The following NCAPG2 variants were observed in gnomAD, a reference collection of about 807,000 sequenced individuals.
NCAPG2 encodes the protein non-SMC condensin II complex subunit G2, also known as condensin-2 complex subunit G2.
NCAPG2 carries 53 observed loss-of-function variants against 141.1 expected under a neutral mutation model. That is an observed-to-expected ratio of 0.38 (90% CI 0.30 to 0.47). NCAPG2 has a LOEUF of 0.47. NCAPG2 is among the 20% of genes least tolerant of loss of function. NCAPG2 has a pLI of 0.99. For synonymous variants in NCAPG2, 499 were observed against 490.7 expected, an observed-to-expected ratio of 1.02 and a Z score of -0.22; for missense variants, 1,087 against 1,389.0, an observed-to-expected ratio of 0.78 and a Z score of 3.46.
chr7:158,670,592 C>T (rs1045258502), intron 13 of NCAPG2, among the ~76,000 whole-genome samples: 6 of 152,130 alleles, frequency 3.9e-5, no homozygotes, highest in African/African-American at 1.4e-4. Context: ...ACTAAATTCT[C>T]GTTCTCTTCA....
chr7:158,686,879 C>A (rs746127407), intron 7 of NCAPG2, among the ~76,000 whole-genome samples: 1 of 152,136 alleles, frequency 6.6e-6, no homozygotes, highest in Admixed American at 6.5e-5. Flanking sequence ...AGTGCTGGAG[C>A]AAATGAAGTA....
chr7:158,658,550 A>G, intron 16 of NCAPG2, 142 bp from the exon 17 acceptor site: 1 of 669,470 alleles, frequency 1.5e-6, no homozygotes, highest in Non-Finnish European at 2.3e-6. Flanking sequence ...TCAAAAGGAA[A>G]ACTTAAACCA....
Position 158,686,207 on chromosome 7 carries a change from T to A in NCAPG2, c.802A>T (p.Arg268Ter). ...TTCCCTGAAGCCTTTTTCCAAGCTC[T>A]GAAATAAATTTCTGCAATGTATACC... ...LMVYIAEIYF[R>*]AWKKASGKIL... Residue 268 changes from arginine to a stop codon, truncating the protein, a stop_gained, in exon 8 of 28, where the codon AGA becomes TGA. Transcript: ENST00000356309. LOFTEE classifies it high-confidence loss of function. 1 of 1,582,178 alleles carries A rather than the reference T, an allele frequency of 6.3e-7. No individual in the cohort carries two copies. The highest frequency in any genetic ancestry group is 1.2e-5 in the South Asian group (1 of 84,610).
Position 158,693,491 on chromosome 7 carries a change from C to T in NCAPG2, c.85G>A (p.Ala29Thr). Residue 29 changes from alanine (A) to threonine (T), a missense_variant, in exon 3 of 28, where the codon GCC becomes ACC. Physicochemically the swap from Ala to Thr is moderately conservative, Grantham distance 58 (BLOSUM62 0). Transcript: ENST00000356309. ...FLQFVQLDKE[A>T]SDPFSLNELL... Reference sequence around the variant, plus strand: ...TCATTTAGGCTGAAAGGATCAGAGGCCTCTTTCTGTAACATAAATAGCAAG... The same window carrying T: ...TCATTTAGGCTGAAAGGATCAGAGGTCTCTTTCTGTAACATAAATAGCAAG... The T allele has an allele frequency of 6.2e-7, 1 of 1,607,948 alleles. No individual in the cohort carries two copies. Among genetic ancestry groups the T allele is most frequent in the Non-Finnish European group, 8.5e-7 (1 of 1,176,932 alleles).
chr7:158,692,987 T>C, intron 3 of NCAPG2, 31 bp from the exon 4 acceptor site: 1 of 1,356,742 alleles, frequency 7.4e-7, no homozygotes, highest in Non-Finnish European at 1.0e-6. Context: ...CATGAGTGAA[T>C]TAAAATCATC....
intron 2 of NCAPG2, among the ~76,000 whole-genome samples, 198 bp from the exon 3 acceptor site, chr7:158,693,695 G>C (rs1311969417): frequency 6.6e-6 from 1 of 152,176 alleles, no homozygotes; most frequent in East Asian, 1.9e-4. Flanking sequence ...CTAATCTTCA[G>C]AGTTTTTAAA....
At chr7:158,654,040 G>A (rs772773685) in intron 22 of NCAPG2, among the ~76,000 whole-genome samples, 2 of 152,112 alleles carry the variant, frequency 1.3e-5, no homozygotes, top group Non-Finnish European at 2.9e-5. Flanking sequence ...GTGATCAGAA[G>A]GCCAAGGAGA....
intron 11 of NCAPG2, 127 bp from the exon 12 acceptor site, chr7:158,675,783 CAT>C (rs1431074448): frequency 1.1e-5 from 10 of 928,096 alleles, no homozygotes; most frequent in Non-Finnish European, 1.4e-5. Context: ...ATACTGGACA[CAT>C]ATGGATTCCT....
chr7:158,684,885 C>T (rs936429934), intron 8 of NCAPG2, among the ~76,000 whole-genome samples: 23 of 152,138 alleles, frequency 1.5e-4, no homozygotes, highest in Non-Finnish European at 2.6e-4. Context: ...AGTGATAAAC[C>T]TTGGCAATAC....
chr7:158,659,600 A>C (rs1187146224), intron 16 of NCAPG2, among the ~76,000 whole-genome samples: 1 of 152,172 alleles, frequency 6.6e-6, no homozygotes, highest in East Asian at 1.9e-4. Context: ...AACAATAAGT[A>C]AAAGGGGGTA....
At position 158,655,121 on chromosome 7, in the gene NCAPG2, G is replaced by A; in HGVS notation, c.2643C>T (p.Ile881=). The A allele has an allele frequency of 6.2e-7, 1 of 1,608,486 alleles. No homozygotes were observed. The highest frequency in any genetic ancestry group is 8.5e-7 in the Non-Finnish European group (1 of 1,178,648). The change falls in exon 21 of 28, where the codon ATC becomes ATT. Residue 881 remains isoleucine, a synonymous_variant. Coordinates refer to ENST00000356309, the MANE Select transcript of NCAPG2 (RefSeq NM_017760.7). ...TCTGTGTCTTAAGACTTCTAACCTG[G>A]ATAATTTGCTGATAAATGACCCTAT... ...KLHRVIYQQI[I]QTYLTVCKDV...
chr7:158,686,033 C>T, intron 8 of NCAPG2, 139 bp downstream of exon 8: 1 of 529,862 alleles, frequency 1.9e-6, no homozygotes, highest in Non-Finnish European at 3.3e-6. Flanking sequence ...CTGGATTGCC[C>T]ATCAAATAGA....
At chr7:158,669,301 G>A (rs1167263267) in intron 13 of NCAPG2, among the ~76,000 whole-genome samples, 1 of 152,102 alleles carries the variant, frequency 6.6e-6, no homozygotes, top group Non-Finnish European at 1.5e-5. Context: ...TGGGATTCCT[G>A]GGTCAAATGG....
At chr7:158,673,756 G>A (rs550003791) in intron 12 of NCAPG2, among the ~76,000 whole-genome samples, 6 of 152,316 alleles carry the variant, frequency 3.9e-5, no homozygotes, top group African/African-American at 7.2e-5. Flanking sequence ...GGGGGAGCCC[G>A]TCACAGTGCA....
intron 17 of NCAPG2, among the ~76,000 whole-genome samples, chr7:158,657,075 T>C (rs1373642454): frequency 6.6e-6 from 1 of 152,184 alleles, no homozygotes; most frequent in Non-Finnish European, 1.5e-5. Context: ...TGAATAAAAA[T>C]AATTTTTATT....
At chr7:158,648,679 C>T (rs1831229309) in intron 24 of NCAPG2, among the ~76,000 whole-genome samples, 1 of 35,786 alleles carries the variant, frequency 2.8e-5, no homozygotes, top group Admixed American at 3.1e-4. Flanking sequence ...AAATGGACCA[C>T]AACCACGCCA....
intron 9 of NCAPG2, among the ~76,000 whole-genome samples, chr7:158,681,896 G>A (rs1834472876): frequency 6.6e-6 from 1 of 152,090 alleles, no homozygotes; most frequent in Non-Finnish European, 1.5e-5. Context: ...AATGATGTCT[G>A]AAGCACTGCC....
At chr7:158,661,534 C>T (rs769549331) in intron 16 of NCAPG2, among the ~76,000 whole-genome samples, 1 of 152,052 alleles carries the variant, frequency 6.6e-6, no homozygotes. Context: ...AAGATCTATC[C>T]TATAACATGG....
chr7:158,666,812 G>A (rs1399987418), intron 13 of NCAPG2, among the ~76,000 whole-genome samples: 1 of 152,048 alleles, frequency 6.6e-6, no homozygotes, highest in African/African-American at 2.4e-5. Flanking sequence ...TGAAGGGAGA[G>A]GGTTGACATC....
Sources: gnomAD v4.1 joint callset for allele counts (sites outside exome capture counted in the v4.1 genomes callset) on GRCh38, gnomAD v4.1.1 for gene constraint, MANE v1.5 for transcripts, NCBI Gene and HGNC (gene_info 2026-07-23, HGNC 2026-07-21) for gene names.